Variants in ACYP2 observed in about 807,000 individuals in gnomAD.
The protein encoded by ACYP2 is acylphosphatase-2.
ACYP2 carries 12 observed loss-of-function variants against 11.2 expected under a neutral mutation model. That is an observed-to-expected ratio of 1.08 (90% CI 0.69 to 1.74). ACYP2 has a LOEUF of 1.74. ACYP2 is among the 40% of genes most tolerant of loss of function. The pLI is 0.00. For synonymous variants in ACYP2, 43 were observed against 32.2 expected, an observed-to-expected ratio of 1.33 and a Z score of -1.13; for missense variants, 134 against 101.9, an observed-to-expected ratio of 1.31 and a Z score of -1.35.
At chr2:54,164,304 A>G (rs1353001729) in intron 6 of ACYP2, among the ~76,000 whole-genome samples, 1 of 152,202 alleles carries the variant, frequency 6.6e-6, no homozygotes, top group African/African-American at 2.4e-5. Flanking sequence ...GGAGCCAGAT[A>G]GGTGAGGATT....
chr2:54,293,364 T>A (rs1472422869), intron 6 of ACYP2, among the ~76,000 whole-genome samples: 2 of 152,236 alleles, frequency 1.3e-5, no homozygotes, highest in African/African-American at 4.8e-5. Flanking sequence ...CCTCACTTGT[T>A]CTGCCTTCTC....
At chr2:53,989,911 A>G in intron 2 of ACYP2, among the ~76,000 whole-genome samples, 1 of 152,020 alleles carries the variant, frequency 6.6e-6, no homozygotes, top group Non-Finnish European at 1.5e-5. Context: ...GGTCCCAGCC[A>G]ATTGTTTGAG....
At chr2:54,286,547 A>G (rs757532712) in intron 6 of ACYP2, among the ~76,000 whole-genome samples, 6 of 152,014 alleles carry the variant, frequency 3.9e-5, no homozygotes, top group Non-Finnish European at 5.9e-5. Flanking sequence ...ATCAGAGAAC[A>G]ATCCTCCTTT....
intron 2 of ACYP2, among the ~76,000 whole-genome samples, chr2:53,991,503 T>C (rs1308716564): frequency 6.6e-6 from 1 of 151,932 alleles, no homozygotes; most frequent in Non-Finnish European, 1.5e-5. Context: ...CCTCCTAGGT[T>C]CAAGTGATTC....
At chr2:54,203,843 G>T (rs1684956682) in intron 6 of ACYP2, among the ~76,000 whole-genome samples, 1 of 150,348 alleles carries the variant, frequency 6.7e-6, no homozygotes, top group African/African-American at 2.5e-5. Flanking sequence ...TTTACTTTCT[G>T]AATGCTTATA....
intron 6 of ACYP2, among the ~76,000 whole-genome samples, chr2:54,207,675 T>C (rs544096704): frequency 1.4e-4 from 21 of 152,298 alleles, no homozygotes; most frequent in African/African-American, 4.8e-4. Flanking sequence ...ATTCAATATT[T>C]AGTGCAACTC....
chr2:54,008,730 C>G (rs1673204274), intron 2 of ACYP2, among the ~76,000 whole-genome samples: 2 of 152,134 alleles, frequency 1.3e-5, no homozygotes, highest in African/African-American at 4.8e-5. Flanking sequence ...CTTGTGAACT[C>G]CTGTGTTCTA....
intron 4 of ACYP2, among the ~76,000 whole-genome samples, chr2:54,121,334 A>G (rs1310591205): frequency 1.3e-5 from 2 of 152,110 alleles, no homozygotes; most frequent in Non-Finnish European, 1.5e-5. Flanking sequence ...AAAAAGCACC[A>G]TTCAGTTGGC....
Position 54,214,824 on chromosome 2 carries a change from T to G in ACYP2, c.404+76076T>G, listed in dbSNP as rs1057424820. Among the ~76,000 whole-genome samples, 15 of 152,220 alleles carry G rather than the reference T, an allele frequency of 9.9e-5. 1 individual carries two copies. Among genetic ancestry groups the G allele is most frequent in the Admixed American group, 9.8e-4 (15 of 15,284 alleles). ...AGTTTGATAGGAATGGCATCAAATC[T>G]GCAAATTGCTTAGGACAGTATGGCC... On this transcript the variant is annotated intron_variant, in intron 6 of 6. Transcript: ENST00000607452.
intron 2 of ACYP2, among the ~76,000 whole-genome samples, chr2:53,995,751 C>A (rs1672543892): frequency 6.6e-6 from 1 of 151,998 alleles, no homozygotes; most frequent in South Asian, 2.1e-4. Context: ...GCTCGCCTGG[C>A]CTCAATACTA....
At chr2:54,194,457 G>A (rs990314216) in intron 6 of ACYP2, among the ~76,000 whole-genome samples, 3 of 152,146 alleles carry the variant, frequency 2.0e-5, no homozygotes, top group Non-Finnish European at 4.4e-5. Context: ...TTGAGTTAAA[G>A]CTTTCCTTTA....
At chr2:54,256,325 G>C (rs1415530436) in intron 6 of ACYP2, 8 of 660,642 alleles carry the variant, frequency 1.2e-5, no homozygotes, top group Non-Finnish European at 2.1e-5. Context: ...TCGCGAGTCT[G>C]TGGTGGTGTC....
Position 54,048,151 on chromosome 2 carries a change from C to T in ACYP2, c.63-2807C>T, listed in dbSNP as rs189294092. ...GTAATAAAAGTTTTTGTAGGCCAGG[C>T]GCAGTGGCTCATGTCTGTAATCCCA... On this transcript the variant is annotated intron_variant, in intron 2 of 6. Coordinates refer to ENST00000607452, the MANE Select transcript of ACYP2 (RefSeq NM_001320586.2). 1.8e-3 allele frequency among the ~76,000 whole-genome samples: 275 copies of T among 152,212 alleles called. 1 individual carries two copies. The highest frequency in any genetic ancestry group is 2.5e-3 in the South Asian group (12 of 4,826).
chr2:54,099,372 C>A (rs1164955946), intron 4 of ACYP2, among the ~76,000 whole-genome samples: 1 of 152,146 alleles, frequency 6.6e-6, no homozygotes, highest in Non-Finnish European at 1.5e-5. Flanking sequence ...TACCGTAGAT[C>A]TTTTGAACTC....
chr2:54,115,390 A>G (rs537707722), intron 4 of ACYP2: 2 of 585,240 alleles, frequency 3.4e-6, no homozygotes, highest in East Asian at 3.3e-5. Flanking sequence ...TTGAGAACAG[A>G]GTACCTTGAT....
At chr2:53,975,234 A>AG (rs1412181603) in intron 2 of ACYP2, 2 of 398,108 alleles carry the variant, frequency 5.0e-6, no homozygotes, top group Non-Finnish European at 8.8e-6. Context: ...AAAAAAAAAA[A>AG]AAAAAATTCA....
intron 2 of ACYP2, among the ~76,000 whole-genome samples, chr2:53,998,894 G>C (rs1672685762): frequency 1.3e-5 from 2 of 152,154 alleles, no homozygotes; most frequent in South Asian, 4.1e-4. Flanking sequence ...AATCCAGGCT[G>C]TTTCATTCTT....
intron 2 of ACYP2, among the ~76,000 whole-genome samples, chr2:54,019,262 G>T (rs192284687): frequency 6.6e-5 from 10 of 151,880 alleles, no homozygotes; most frequent in Non-Finnish European, 1.5e-5. Context: ...GTGGAGATGT[G>T]TGTCTCCCTA....
intron 6 of ACYP2, among the ~76,000 whole-genome samples, chr2:54,210,177 G>GTCAC (rs1685274690): frequency 4.2e-5 from 6 of 142,444 alleles, no homozygotes; most frequent in Non-Finnish European, 7.6e-5. Flanking sequence ...AATTAACAGA[G>GTCAC]AACCATGGTA....
Sources: allele counts gnomAD v4.1 joint callset (sites outside exome capture counted in the v4.1 genomes callset), GRCh38; gene constraint gnomAD v4.1.1; transcripts MANE v1.5; gene names NCBI Gene and HGNC (gene_info 2026-07-23, HGNC 2026-07-21).